CASZ1: variants seen among roughly 807,000 people sequenced by gnomAD.
CASZ1 encodes the protein castor zinc finger 1, also known as zinc finger protein castor homolog 1.
In CASZ1, 28 loss-of-function variants were observed where a neutral mutation model predicts 135.2. That is an observed-to-expected ratio of 0.21 (90% CI 0.15 to 0.28). The LOEUF (loss-of-function observed/expected upper bound fraction) is 0.28. Ranked by LOEUF, CASZ1 falls within the 10% of genes least tolerant of loss-of-function variation. CASZ1 has a pLI of 1.00. For missense variants in CASZ1, 2,161 were observed against 2,453.3 expected (o/e 0.88, Z 2.52); for synonymous variants, 1,068 against 1,073.4 (o/e 0.99, Z 0.10).
chr1:10,650,874 C>T (rs1186966425), intron 12 of CASZ1, 67 bp downstream of exon 12: 14 of 1,606,140 alleles, frequency 8.7e-6, no homozygotes, highest in Non-Finnish European at 1.2e-5. Flanking sequence ...CTGGGCGGGA[C>T]CACCCCGGGG....
chr1:10,743,335 C>T (rs1474847138), intron 2 of CASZ1, among the ~76,000 whole-genome samples: 2 of 151,510 alleles, frequency 1.3e-5, no homozygotes, highest in East Asian at 2.0e-4. Flanking sequence ...GCTGGCTGTC[C>T]CCACGGTCGG....
intron 3 of CASZ1, among the ~76,000 whole-genome samples, chr1:10,698,755 C>T (rs927653988): frequency 6.6e-6 from 1 of 152,176 alleles, no homozygotes; most frequent in Admixed American, 6.5e-5. Flanking sequence ...CCAACCCCAG[C>T]GAGCTCCTCC....
At chr1:10,730,310 A>G (rs950639932) in intron 2 of CASZ1, among the ~76,000 whole-genome samples, 1 of 152,140 alleles carries the variant, frequency 6.6e-6, no homozygotes, top group Non-Finnish European at 1.5e-5. Flanking sequence ...CTGGGATTAC[A>G]GGTGTGAGCC....
rs1206088221 is a variant in CASZ1 at position 10,726,152 on chromosome 1, A to T, written c.-76-20608T>A. ...TACTGCTGCTACTACCACCAGCATG[A>T]CCATTAATTGTTAGTGTTTATGGAG... is the stretch of plus-strand genomic sequence containing the variant. On this transcript the variant is annotated intron_variant, in intron 2 of 20. Transcript: ENST00000377022. This position sits in a 1 kb window ranked among gnomAD's most constrained non-coding sequence, Gnocchi z 5.7. Among the ~76,000 whole-genome samples the T allele has an allele frequency of 6.6e-6, 1 of 152,174 alleles. No homozygotes were observed.
At chr1:10,789,025 G>T (rs1434448386) in intron 1 of CASZ1, among the ~76,000 whole-genome samples, 2 of 152,180 alleles carry the variant, frequency 1.3e-5, no homozygotes, top group Non-Finnish European at 2.9e-5. Context: ...GTAAGGGGGA[G>T]CGTGGGGTGG....
intron 3 of CASZ1, among the ~76,000 whole-genome samples, chr1:10,703,142 G>A (rs1639099365): frequency 6.6e-6 from 1 of 152,192 alleles, no homozygotes; most frequent in Admixed American, 6.5e-5. Flanking sequence ...AGCAGACCTA[G>A]CACGAGAGGA....
chr1:10,765,381 A>G (rs1640454935), intron 1 of CASZ1, among the ~76,000 whole-genome samples: 1 of 148,482 alleles, frequency 6.7e-6, no homozygotes, highest in Non-Finnish European at 1.5e-5. Flanking sequence ...CCAGGGCTGT[A>G]TGGAAAAGGA....
chr1:10,640,948 C>T (rs1485337375), intron 20 of CASZ1, among the ~76,000 whole-genome samples: 1 of 152,224 alleles, frequency 6.6e-6, no homozygotes, highest in East Asian at 1.9e-4. Flanking sequence ...GAGGCACAGG[C>T]AGCTAGTCCT....
intron 6 of CASZ1, among the ~76,000 whole-genome samples, chr1:10,659,099 G>A (rs1642907100): frequency 6.6e-6 from 1 of 151,562 alleles, no homozygotes; most frequent in Non-Finnish European, 1.5e-5. Context: ...TACCCAGGCC[G>A]TTCCCCTGCC....
chr1:10,653,337 A>G (rs765824782), intron 11 of CASZ1, 40 bp downstream of exon 11: 1 of 1,609,242 alleles, frequency 6.2e-7, no homozygotes, highest in Non-Finnish European at 8.5e-7. Flanking sequence ...ACCCCAGTCC[A>G]GAAGGTGCCT....
At chr1:10,683,579 T>C (rs1488919100) in intron 4 of CASZ1, among the ~76,000 whole-genome samples, 1 of 152,120 alleles carries the variant, frequency 6.6e-6, no homozygotes, top group Non-Finnish European at 1.5e-5. Context: ...CCAGCAAACA[T>C]GCATCGTGAA....
intron 15 of CASZ1, chr1:10,648,710 C>T (rs886379929): frequency 1.2e-5 from 3 of 258,278 alleles, no homozygotes; most frequent in Non-Finnish European, 1.5e-5. Context: ...GAAAGGCCTT[C>T]AGCTAGGGTT....
chr1:10,769,743 C>G (rs1570577513), intron 1 of CASZ1, among the ~76,000 whole-genome samples: 1 of 152,210 alleles, frequency 6.6e-6, no homozygotes, highest in Admixed American at 6.5e-5. Context: ...TCTCAAACTC[C>G]TGACCTCAAG....
intron 2 of CASZ1, among the ~76,000 whole-genome samples, chr1:10,746,496 C>T (rs753682947): frequency 1.3e-5 from 2 of 152,216 alleles, no homozygotes; most frequent in Non-Finnish European, 2.9e-5. Context: ...GGAGTCTGCG[C>T]GGGATCCCTT....
At position 10,726,213 on chromosome 1, in the gene CASZ1, T is replaced by C. The variant is rs940181974; in HGVS notation, c.-76-20669A>G. On this transcript the variant is annotated intron_variant, in intron 2 of 20. Coordinates refer to ENST00000377022, the MANE Select transcript of CASZ1 (RefSeq NM_001079843.3). The surrounding 1 kb of genome is among the most constrained non-coding windows in gnomAD (Gnocchi z 5.7). ...GTCCCAGGCAGAGTGAAGTCGGTTTTATAAACCACCTCATTAAACAGCAAC... is the reference window on the plus strand; with the variant it reads ...GTCCCAGGCAGAGTGAAGTCGGTTTCATAAACCACCTCATTAAACAGCAAC... Among the ~76,000 whole-genome samples the C allele has an allele frequency of 6.6e-6, 1 of 152,270 alleles. No individual in the cohort carries two copies. The highest frequency in any genetic ancestry group is 2.4e-5 in the African/African-American group (1 of 41,552).
chr1:10,785,885 G>A (rs1640850511), intron 1 of CASZ1, among the ~76,000 whole-genome samples: 1 of 152,202 alleles, frequency 6.6e-6, no homozygotes, highest in Non-Finnish European at 1.5e-5. Context: ...ATGTCAGCTG[G>A]GATCCTCTCA....
At chr1:10,772,246 C>A (rs1640589604) in intron 1 of CASZ1, among the ~76,000 whole-genome samples, 1 of 152,174 alleles carries the variant, frequency 6.6e-6, no homozygotes, top group Admixed American at 6.5e-5. Flanking sequence ...GAAGGGTCTG[C>A]CCAGGCCACA....
At chr1:10,667,173 T>A (rs957683120) in intron 4 of CASZ1, among the ~76,000 whole-genome samples, 4 of 152,226 alleles carry the variant, frequency 2.6e-5, no homozygotes, top group Admixed American at 2.6e-4. Flanking sequence ...GCCGCATCCC[T>A]GAGGTGGACT....
At position 10,654,077 on chromosome 1, in the gene CASZ1, C is replaced by A. The variant is rs1361334574; in HGVS notation, c.1980G>T (p.Val660=). 1 of 1,614,120 alleles carries A rather than the reference C, an allele frequency of 6.2e-7. No individual in the cohort carries two copies. The highest frequency in any genetic ancestry group is 8.5e-7 in the Non-Finnish European group (1 of 1,180,048). The change falls in exon 11 of 21, where the codon GTG becomes GTT. Residue 660 remains valine (V), a synonymous_variant. Transcript: ENST00000377022. ...GGAAGTGGTTGGTAGCCTTGCTGTA[C>A]ACGCAGCCCTCGTACTTGCACTCCT... The part of the protein sequence containing the change: ...KYEECKYEGC[V]YSKATNHFHC...
Sources: gnomAD v4.1 joint callset for allele counts (sites outside exome capture counted in the v4.1 genomes callset) on GRCh38, gnomAD v4.1.1 for gene constraint, Gnocchi (gnomAD v3.1) non-coding constraint, MANE v1.5 for transcripts, NCBI Gene and HGNC (gene_info 2026-07-23, HGNC 2026-07-21) for gene names.